Variants in ERBB4 observed in about 807,000 individuals in gnomAD.
ERBB4 encodes the protein receptor tyrosine-protein kinase erbB-4.
In ERBB4, 42 loss-of-function variants were observed where a neutral mutation model predicts 158.0. That is an observed-to-expected ratio of 0.27 (90% CI 0.21 to 0.34). ERBB4 has a LOEUF of 0.34. Ranked by LOEUF, ERBB4 falls within the 10% of genes least tolerant of loss-of-function variation. The pLI is 1.00. For missense variants in ERBB4, 1,333 were observed against 1,624.1 expected, an observed-to-expected ratio of 0.82 and a Z score of 3.08; for synonymous variants, 583 against 558.7, an observed-to-expected ratio of 1.04 and a Z score of -0.61.
chr2:212,425,803 G>C (rs1020137050), intron 1 of ERBB4, among the ~76,000 whole-genome samples: 6 of 151,746 alleles, frequency 4.0e-5, no homozygotes, highest in Non-Finnish European at 7.4e-5. Context: ...ACATTTTCTT[G>C]CTAGTTGGTA....
chr2:212,392,011 T>C (rs558300712), intron 1 of ERBB4, among the ~76,000 whole-genome samples: 78 of 151,660 alleles, frequency 5.1e-4, no homozygotes, highest in Middle Eastern at 6.9e-3. Flanking sequence ...TGAATAGAAC[T>C]TGAAATATTC....
chr2:211,745,982 C>A (rs189916709), intron 5 of ERBB4, among the ~76,000 whole-genome samples: 1 of 152,302 alleles, frequency 6.6e-6, no homozygotes, highest in Admixed American at 6.5e-5. Context: ...AAATTTAGCC[C>A]TTTAATCATT....
At position 211,376,805 on chromosome 2, in the gene ERBB4, G is replaced by A. The variant is rs761060668; in HGVS notation, c.*6810C>T. 4.3e-6 allele frequency: 1 copy of A among 232,966 alleles called. No individual in the cohort carries two copies. Among genetic ancestry groups the A allele is most frequent in the Non-Finnish European group, 8.5e-6 (1 of 117,680 alleles). 14.4% of individuals were successfully genotyped at this position (232,966 alleles called of 1,614,324 possible). ...TTCTTGTAATGGTGCTCAAGAAAGAGATGAACTAGTCATACACCATGGGAA... is the reference window on the plus strand; with the variant it reads ...TTCTTGTAATGGTGCTCAAGAAAGAAATGAACTAGTCATACACCATGGGAA... On this transcript the variant is annotated 3_prime_UTR_variant, in exon 28 of 28. Transcript: ENST00000342788.
At chr2:211,506,918 C>G (rs1158647560) in intron 20 of ERBB4, among the ~76,000 whole-genome samples, 1 of 151,842 alleles carries the variant, frequency 6.6e-6, no homozygotes, top group Non-Finnish European at 1.5e-5. Context: ...TACAAGGGAT[C>G]CAAAAAATGA....
At chr2:211,642,953 G>A (rs905423970) in intron 16 of ERBB4, among the ~76,000 whole-genome samples, 3 of 152,072 alleles carry the variant, frequency 2.0e-5, no homozygotes, top group East Asian at 1.9e-4. Flanking sequence ...TCCAGCTTTC[G>A]TAGTAATTGG....
chr2:212,285,962 A>G (rs771443642), intron 1 of ERBB4, among the ~76,000 whole-genome samples: 1 of 152,162 alleles, frequency 6.6e-6, no homozygotes, highest in Non-Finnish European at 1.5e-5. Flanking sequence ...TATTATATGT[A>G]TGATTTGACA....
chr2:211,671,824 G>C (rs1243339579), intron 14 of ERBB4, among the ~76,000 whole-genome samples: 1 of 152,008 alleles, frequency 6.6e-6, no homozygotes, highest in Non-Finnish European at 1.5e-5. Context: ...GCACTTCCCT[G>C]TGTTTCATGA....
Position 212,376,194 on chromosome 2 carries a change from G to A in ERBB4, c.82+162255C>T, listed in dbSNP as rs143020451. Among the ~76,000 whole-genome samples, 8 of 152,140 alleles carry A rather than the reference G, an allele frequency of 5.3e-5. No individual in the cohort carries two copies. In the East Asian group the frequency reaches 1.4e-3, roughly 26 times the overall value. On this transcript the variant is annotated intron_variant, in intron 1 of 27. Transcript: ENST00000342788. ...TTGTGCCCAGATCAGCTGCAGAAAA[G>A]AGCAGAGCATTAATGGAAATTTTAA...
chr2:211,598,694 G>C (rs1438770145), intron 19 of ERBB4, among the ~76,000 whole-genome samples: 1 of 152,038 alleles, frequency 6.6e-6, no homozygotes, highest in Admixed American at 6.6e-5. Flanking sequence ...TATTTCTTTT[G>C]TATAGACTTT....
chr2:211,925,255 A>G (rs2125086455), intron 3 of ERBB4, among the ~76,000 whole-genome samples: 1 of 152,346 alleles, frequency 6.6e-6, no homozygotes, highest in Non-Finnish European at 1.5e-5. Context: ...TTACCAACAG[A>G]TAAAACCTAG....
chr2:211,881,093 A>C (rs970208653), intron 3 of ERBB4, among the ~76,000 whole-genome samples: 1 of 152,196 alleles, frequency 6.6e-6, no homozygotes, highest in African/African-American at 2.4e-5. Flanking sequence ...AAATAGGACC[A>C]AGAGCCTAAA....
intron 20 of ERBB4, 198 bp downstream of exon 20, chr2:211,561,705 A>G: frequency 1.7e-6 from 1 of 594,148 alleles, no homozygotes; most frequent in South Asian, 1.9e-5. Flanking sequence ...GATACAACAC[A>G]ATAATCTAAA....
intron 1 of ERBB4, among the ~76,000 whole-genome samples, chr2:212,310,235 A>G (rs923271973): frequency 6.6e-6 from 1 of 150,684 alleles, no homozygotes; most frequent in East Asian, 2.0e-4. Flanking sequence ...AATATCTTTC[A>G]ATTTGCATTT....
chr2:211,634,007 A>G (rs2070255139), intron 16 of ERBB4, among the ~76,000 whole-genome samples: 2 of 152,148 alleles, frequency 1.3e-5, no homozygotes, highest in Non-Finnish European at 2.9e-5. Flanking sequence ...AAAAATACAA[A>G]AATCAGCTGG....
intron 13 of ERBB4, among the ~76,000 whole-genome samples, chr2:211,676,124 C>T (rs971966352): frequency 1.3e-5 from 2 of 152,094 alleles, no homozygotes; most frequent in African/African-American, 4.8e-5. Context: ...GGGATATAAA[C>T]TGGTTCTTCC....
chr2:212,389,768 T>G (rs2090794394), intron 1 of ERBB4, among the ~76,000 whole-genome samples: 1 of 151,996 alleles, frequency 6.6e-6, no homozygotes, highest in Non-Finnish European at 1.5e-5. Context: ...AGCTCTCTTT[T>G]GTGTGTATAA....
chr2:212,389,539 T>C (rs907639654), intron 1 of ERBB4, among the ~76,000 whole-genome samples: 1 of 152,016 alleles, frequency 6.6e-6, no homozygotes, highest in Non-Finnish European at 1.5e-5. Context: ...GATAAAAGAA[T>C]TCACTCACTC....
chr2:212,040,302 G>C (rs1438391184), intron 2 of ERBB4, among the ~76,000 whole-genome samples: 1 of 151,672 alleles, frequency 6.6e-6, no homozygotes, highest in Admixed American at 6.6e-5. Context: ...TTGGTGAATA[G>C]AAAAATTTTA....
intron 20 of ERBB4, among the ~76,000 whole-genome samples, chr2:211,511,766 C>A (rs537519820): frequency 1.3e-5 from 2 of 152,076 alleles, no homozygotes; most frequent in South Asian, 4.1e-4. Context: ...GGAAATGTAT[C>A]TTGTAACCAC....
Sources: allele counts gnomAD v4.1 joint callset (sites outside exome capture counted in the v4.1 genomes callset), GRCh38; gene constraint gnomAD v4.1.1; transcripts MANE v1.5; gene names NCBI Gene and HGNC (gene_info 2026-07-23, HGNC 2026-07-21).